The following GABRB2 variants were observed in gnomAD, a reference collection of about 807,000 sequenced individuals.
The protein encoded by GABRB2 is gamma-aminobutyric acid receptor subunit beta-2.
Under a neutral mutation model 54.7 loss-of-function variants are expected in GABRB2, and 16 were observed. The ratio of observed to expected loss-of-function variants is 0.29; its 90% CI spans 0.20 to 0.44. The LOEUF is 0.44. Ranked by LOEUF, GABRB2 falls within the 20% of genes least tolerant of loss-of-function variation. The pLI is 1.00. For synonymous variants in GABRB2, 244 were observed against 233.8 expected (o/e 1.04, Z -0.40); for missense variants, 355 against 644.0 (o/e 0.55, Z 4.86).
At chr5:161,463,085 A>G (rs1450910940) in intron 3 of GABRB2, among the ~76,000 whole-genome samples, 3 of 152,068 alleles carry the variant, frequency 2.0e-5, no homozygotes, top group Admixed American at 6.6e-5. Context: ...ACTAAAGCCA[A>G]TTGATTTTCA....
chr5:161,531,340 C>A (rs1432705632), intron 3 of GABRB2, among the ~76,000 whole-genome samples: 1 of 152,086 alleles, frequency 6.6e-6, no homozygotes, highest in Non-Finnish European at 1.5e-5. Flanking sequence ...AGAAACCTGA[C>A]AATTTTTTAA....
In GABRB2 at chr5:161,319,125, GTTTTT is replaced by G. The variant is rs777958862; in HGVS notation, c.1191+7238_1191+7242del. On this transcript the variant is annotated intron_variant, in intron 9 of 9. Transcript: ENST00000393959. The stretch of plus-strand genomic sequence containing the variant: ...TTTCCCTAATGTAATTTTATTAGCT[GTTTTT>G]TTTTTTTTTAAATAAACAATAGTGG... Among the ~76,000 whole-genome samples, 68 of 139,628 alleles carry G rather than the reference GTTTTT, an allele frequency of 4.9e-4. 1 individual carries two copies. Among genetic ancestry groups the G allele is most frequent in the African/African-American group, 1.6e-3 (63 of 39,422 alleles). The allele number at this position is 139,628 out of a possible 152,430, so 91.6% of individuals were successfully genotyped here.
rs1357023366 is a variant in GABRB2 at position 161,292,113 on chromosome 5, T to C, written c.*1968A>G. 1 of 152,146 alleles carries C rather than the reference T, an allele frequency of 6.6e-6. No homozygotes were observed. The highest frequency in any genetic ancestry group is 1.5e-5 in the Non-Finnish European group (1 of 68,024). The allele number at this position is 152,146 out of a possible 1,614,324, so 9.4% of individuals were successfully genotyped here. On this transcript the variant is annotated 3_prime_UTR_variant, in exon 10 of 10. Transcript: ENST00000393959. ...TACACTGGTGAAAAACAAAATACCA[T>C]TCCATTTTGGGGCAAATTCAGAAAG...
At chr5:161,373,998 C>A (rs1755209644) in intron 5 of GABRB2, among the ~76,000 whole-genome samples, 2 of 152,066 alleles carry the variant, frequency 1.3e-5, no homozygotes, top group Admixed American at 6.6e-5. Flanking sequence ...GGCTGGAGTG[C>A]AGTGGCACGA....
At chr5:161,416,306 A>G (rs1756663324) in intron 4 of GABRB2, among the ~76,000 whole-genome samples, 1 of 152,112 alleles carries the variant, frequency 6.6e-6, no homozygotes. Context: ...GCCATTAATC[A>G]ATAACAAATG....
intron 7 of GABRB2, among the ~76,000 whole-genome samples, chr5:161,333,560 G>A (rs181293892): frequency 8.3e-4 from 126 of 152,280 alleles, no homozygotes; most frequent in Admixed American, 1.7e-3. Flanking sequence ...TTTATGCTCA[G>A]TCAATGGCTA....
intron 3 of GABRB2, among the ~76,000 whole-genome samples, chr5:161,527,633 AT>A (rs1168833036): frequency 6.6e-6 from 1 of 151,642 alleles, no homozygotes; most frequent in African/African-American, 2.4e-5. Flanking sequence ...TAAGAAAAAA[AT>A]GAATTGTCCA....
rs571938557 is a variant in GABRB2, at chr5:161,293,890, A to G, written c.*191T>C. On this transcript the variant is annotated 3_prime_UTR_variant, in exon 10 of 10. Coordinates refer to ENST00000393959, the MANE Select transcript of GABRB2 (RefSeq NM_001371727.1). ...CTTGCGTTTTAACTGGAAAACCACA[A>G]GGACCTTAGTGTATTCATTACTTAG... 2.5e-5 allele frequency: 14 copies of G among 568,316 alleles called. No homozygotes were observed. Among genetic ancestry groups the G allele is most frequent in the South Asian group, 2.5e-4 (10 of 40,798 alleles). 35.2% of individuals were successfully genotyped at this position (568,316 alleles called of 1,614,324 possible).
At chr5:161,427,301 C>T (rs368904795) in intron 4 of GABRB2, among the ~76,000 whole-genome samples, 42 of 152,206 alleles carry the variant, frequency 2.8e-4, no homozygotes, top group Middle Eastern at 3.4e-3. Flanking sequence ...AAACAGGAAG[C>T]TTTGACCATA....
intron 5 of GABRB2, among the ~76,000 whole-genome samples, chr5:161,395,187 AT>A (rs1561635250): frequency 6.6e-6 from 1 of 152,090 alleles, no homozygotes; most frequent in African/African-American, 2.4e-5. Flanking sequence ...CTGGAGCCCA[AT>A]TTCTTTATGA....
rs545254772 is a variant in GABRB2, at chr5:161,385,131, A to G, written c.541+25844T>C. Among the ~76,000 whole-genome samples the G allele has an allele frequency of 5.3e-5, 8 of 152,168 alleles. No individual in the cohort carries two copies. The South Asian group carries it at 1.7e-3, about 32-fold the overall frequency. ...TCTTCCAGAAAGTGCCGGGTCTCTG[A>G]TTTCCTCTGCTCTCTTTTAAACTAA... On this transcript the variant is annotated intron_variant, in intron 5 of 9. Transcript: ENST00000393959.
intron 3 of GABRB2, among the ~76,000 whole-genome samples, chr5:161,468,864 CTGT>C (rs1034783738): frequency 6.2e-4 from 94 of 151,992 alleles, no homozygotes; most frequent in African/African-American, 2.2e-3. Context: ...AAAAACCTAA[CTGT>C]TCATCAATAT....
At chr5:161,390,853 T>C (rs570581989) in intron 5 of GABRB2, among the ~76,000 whole-genome samples, 9 of 152,254 alleles carry the variant, frequency 5.9e-5, no homozygotes, top group African/African-American at 2.2e-4. Context: ...GCCTATGTTC[T>C]TGCTTCTAAA....
intron 3 of GABRB2, among the ~76,000 whole-genome samples, chr5:161,517,005 G>A (rs995548326): frequency 2.0e-5 from 3 of 152,148 alleles, no homozygotes; most frequent in Non-Finnish European, 4.4e-5. Flanking sequence ...TTTGTCATGA[G>A]CCAATTTGTC....
chr5:161,336,545 C>T, intron 6 of GABRB2, 87 bp downstream of exon 6: 1 of 1,442,292 alleles, frequency 6.9e-7, no homozygotes, highest in Non-Finnish European at 9.4e-7. Context: ...ATGGTGCTTC[C>T]CTGGGACAGA....
intron 3 of GABRB2, among the ~76,000 whole-genome samples, chr5:161,538,482 G>A (rs1354920655): frequency 6.6e-6 from 1 of 152,196 alleles, no homozygotes; most frequent in African/African-American, 2.4e-5. Flanking sequence ...AAGGAAAGAC[G>A]TAAGCTAGGC....
At chr5:161,419,588 G>GA (rs774600114) in intron 4 of GABRB2, among the ~76,000 whole-genome samples, 2 of 152,196 alleles carry the variant, frequency 1.3e-5, no homozygotes, top group African/African-American at 2.4e-5. Flanking sequence ...ACTGGATAAG[G>GA]AAAATGTGGT....
At chr5:161,412,721 A>G (rs1231586984) in intron 4 of GABRB2, among the ~76,000 whole-genome samples, 1 of 152,104 alleles carries the variant, frequency 6.6e-6, no homozygotes, top group Non-Finnish European at 1.5e-5. Flanking sequence ...CTCTCTGCCT[A>G]GAACACGTGT....
chr5:161,404,902 T>G (rs894442131), intron 5 of GABRB2, among the ~76,000 whole-genome samples: 1 of 152,152 alleles, frequency 6.6e-6, no homozygotes, highest in African/African-American at 2.4e-5. Flanking sequence ...TACTTAGAGA[T>G]CATGTAATCC....
Sources: allele counts gnomAD v4.1 joint callset (sites outside exome capture counted in the v4.1 genomes callset), GRCh38; gene constraint gnomAD v4.1.1; transcripts MANE v1.5; gene names NCBI Gene and HGNC (gene_info 2026-07-23, HGNC 2026-07-21).